Variants in MAP4K3 observed in about 807,000 individuals in gnomAD.
The protein encoded by MAP4K3 is MAPK/ERK kinase kinase kinase 3.
A neutral mutation model predicts 143.5 loss-of-function variants in MAP4K3; 94 were observed. That is an observed-to-expected ratio of 0.65 (90% confidence interval 0.55 to 0.78). MAP4K3 has a LOEUF of 0.78. MAP4K3 is among the 30% of genes least tolerant of loss of function. MAP4K3 has a pLI of 0.00. For synonymous variants in MAP4K3, 416 were observed against 347.2 expected (o/e 1.20, Z -2.20); for missense variants, 1,077 against 1,068.1 (o/e 1.01, Z -0.12).
intron 3 of MAP4K3, among the ~76,000 whole-genome samples, chr2:39,345,291 A>G (rs72925299): frequency 0.13 from 10,061 of 74,794 alleles, 1,196 homozygotes; most frequent in African/African-American, 0.36. Flanking sequence ...GGCAGGGTGC[A>G]GGGGGTCGGG....
At chr2:39,265,454 G>A in intron 27 of MAP4K3, 148 bp from the exon 28 acceptor site, 1 of 676,136 alleles carries the variant, frequency 1.5e-6, no homozygotes, top group Non-Finnish European at 2.7e-6. Flanking sequence ...TTAATTAGAG[G>A]GCTGGGTGAA....
At chr2:39,414,761 G>T (rs1667324464) in intron 1 of MAP4K3, among the ~76,000 whole-genome samples, 1 of 152,050 alleles carries the variant, frequency 6.6e-6, no homozygotes, top group African/African-American at 2.4e-5. Context: ...TGTAGTCCCA[G>T]CTACTCGGGG....
intron 1 of MAP4K3, among the ~76,000 whole-genome samples, chr2:39,398,744 A>AATAATAATAATG (rs1553424680): frequency 2.3e-5 from 3 of 130,168 alleles, no homozygotes; most frequent in South Asian, 2.4e-4. Flanking sequence ...TAATAATAAT[A>AATAATAATAATG]ATGATGATGA....
chr2:39,327,134 T>C (rs1683517782), intron 8 of MAP4K3, among the ~76,000 whole-genome samples: 1 of 152,126 alleles, frequency 6.6e-6, no homozygotes, highest in Admixed American at 6.5e-5. Context: ...ATAAATAATA[T>C]TCGTAATAAG....
In MAP4K3 at chr2:39,431,326, T is replaced by A. The variant is rs75748622; in HGVS notation, c.96+5566A>T. On this transcript the variant is annotated intron_variant, in intron 1 of 33. Transcript: ENST00000263881. ...TTTTTTGTGAGCATTTGTGATTAAA[T>A]GCCTAAGGAAGTCTCAGAAGAAAGG... 4.3e-3 allele frequency among the ~76,000 whole-genome samples: 648 copies of A among 152,300 alleles called. 2 individuals are homozygous for A. The highest frequency in any genetic ancestry group is 0.017 in the Middle Eastern group (5 of 294).
chr2:39,271,534 C>T (rs1681022966), intron 26 of MAP4K3, among the ~76,000 whole-genome samples: 1 of 152,136 alleles, frequency 6.6e-6, no homozygotes, highest in Non-Finnish European at 1.5e-5. Flanking sequence ...AAGAACAGAG[C>T]ATAATAACAA....
chr2:39,251,858 T>C lies in MAP4K3; in HGVS notation c.2569A>G (p.Arg857Gly). The part of the protein sequence containing the change: ...EVTQEISDST[R>G]IFRLLGSDRV... Reference sequence around the variant, plus strand: ...TCAGATCCAAGCAGCCTGAAAATTCTTGTGCTATCTGAAATTTCTTGTGTT... The same window carrying C: ...TCAGATCCAAGCAGCCTGAAAATTCCTGTGCTATCTGAAATTTCTTGTGTT... Residue 857 changes from arginine to glycine, a missense_variant, in exon 33 of 34, where the codon AGA (arginine) becomes GGA (glycine). Around this residue, in one of 2 missense-constraint regions of MAP4K3, gnomAD observed 864 missense variants for 801.2 expected, o/e 1.08. Coordinates refer to ENST00000263881, the MANE Select transcript of MAP4K3 (RefSeq NM_003618.4). The C allele has an allele frequency of 6.2e-7, 1 of 1,613,754 alleles. No homozygotes were observed. Among genetic ancestry groups the C allele is most frequent in the Non-Finnish European group, 8.5e-7 (1 of 1,179,812 alleles).
chr2:39,408,859 T>C (rs1667163755), intron 1 of MAP4K3, among the ~76,000 whole-genome samples: 1 of 152,330 alleles, frequency 6.6e-6, no homozygotes, highest in Non-Finnish European at 1.5e-5. Flanking sequence ...GCAAATGGGT[T>C]TGATTCTCCA....
intron 26 of MAP4K3, among the ~76,000 whole-genome samples, chr2:39,269,751 T>C (rs1369380572): frequency 2.6e-5 from 4 of 152,176 alleles, no homozygotes; most frequent in Non-Finnish European, 5.9e-5. Flanking sequence ...TGACACAGAA[T>C]TTATTCAGAT....
chr2:39,422,561 C>G (rs866249445), intron 1 of MAP4K3, among the ~76,000 whole-genome samples: 11 of 152,190 alleles, frequency 7.2e-5, no homozygotes, highest in South Asian at 2.1e-4. Flanking sequence ...GTGGTACTTT[C>G]TAATAGAAGC....
At chr2:39,292,954 T>C (rs772411793) in intron 17 of MAP4K3, 128 bp from the exon 18 acceptor site, 198 of 789,516 alleles carry the variant, frequency 2.5e-4, no homozygotes, top group Non-Finnish European at 3.7e-4. Context: ...TAGGATAGGA[T>C]AGATTCAGAA....
At chr2:39,315,435 C>A in intron 12 of MAP4K3, 47 bp from the exon 13 acceptor site, 1 of 1,314,532 alleles carries the variant, frequency 7.6e-7, no homozygotes, top group South Asian at 1.2e-5. Flanking sequence ...ATAATCAAGT[C>A]ATAGTTTGGT....
chr2:39,412,215 G>C lies in MAP4K3; in HGVS notation c.96+24677C>G, dbSNP rs1455802110. 9.8e-5 allele frequency among the ~76,000 whole-genome samples: 15 copies of C among 152,322 alleles called. No individual in the cohort carries two copies. The East Asian group carries it at 2.7e-3, about 27-fold the overall frequency. On this transcript the variant is annotated intron_variant, in intron 1 of 33. Coordinates refer to ENST00000263881, the MANE Select transcript of MAP4K3 (RefSeq NM_003618.4). ...AATCAGTAACAGCTAGCGCGGGTCA[G>C]GGCCCTGGAAAAAGACCACCAAATT...
At chr2:39,347,597 CTTAAT>C (rs143786442) in intron 3 of MAP4K3, among the ~76,000 whole-genome samples, 4,973 of 152,138 alleles carry the variant, frequency 0.033, 96 homozygotes, top group African/African-American at 0.052. Context: ...TACAAGTCAT[CTTAAT>C]TTAAGTGTAG....
intron 21 of MAP4K3, among the ~76,000 whole-genome samples, chr2:39,286,518 T>C (rs760840132): frequency 6.6e-6 from 1 of 152,230 alleles, no homozygotes; most frequent in African/African-American, 2.4e-5. Context: ...AAGAATCAAT[T>C]ATCCTCAATG....
chr2:39,272,438 T>C, intron 25 of MAP4K3, 38 bp from the exon 26 acceptor site: 1 of 1,600,908 alleles, frequency 6.2e-7, no homozygotes, highest in Non-Finnish European at 8.6e-7. Flanking sequence ...AAGCTAATAA[T>C]AAATAGTAAC....
intron 19 of MAP4K3, among the ~76,000 whole-genome samples, chr2:39,290,073 T>A (rs1433751922): frequency 3.8e-5 from 4 of 106,558 alleles, no homozygotes; most frequent in Non-Finnish European, 5.4e-5. Context: ...GGTGACAGAG[T>A]GAGACTGTCT....
At chr2:39,309,823 G>A (rs1345709574) in intron 13 of MAP4K3, among the ~76,000 whole-genome samples, 1 of 151,952 alleles carries the variant, frequency 6.6e-6, no homozygotes, top group Admixed American at 6.5e-5. Context: ...CTCCCAAAGT[G>A]CTGAGATTAC....
In MAP4K3 at chr2:39,373,102, C is replaced by A. The variant is rs537624167; in HGVS notation, c.154+4964G>T. Among the ~76,000 whole-genome samples, 16 of 152,162 alleles carry A rather than the reference C, an allele frequency of 1.1e-4. No homozygotes were observed. In the East Asian group the frequency reaches 3.1e-3, roughly 29 times the overall value. On this transcript the variant is annotated intron_variant, in intron 2 of 33. Transcript: ENST00000263881. ...CAAACAACTCCACTGGGGAAAAAAACCCTAATTCAATTTAAAAATGGGCAA... is the reference window on the plus strand; with the variant it reads ...CAAACAACTCCACTGGGGAAAAAAAACCTAATTCAATTTAAAAATGGGCAA...
Sources: allele counts gnomAD v4.1 joint callset (sites outside exome capture counted in the v4.1 genomes callset), GRCh38; gene constraint gnomAD v4.1.1; regional missense constraint gnomAD v4.1.1; transcripts MANE v1.5; gene names NCBI Gene and HGNC (gene_info 2026-07-23, HGNC 2026-07-21).